The following CDH20 variants were observed in gnomAD, a reference collection of about 807,000 sequenced individuals.
The protein encoded by CDH20 is cadherin-20.
In CDH20, 29 loss-of-function variants were observed where a neutral mutation model predicts 74.2. The ratio of observed to expected loss-of-function variants is 0.39; its 90% confidence interval spans 0.29 to 0.53. The LOEUF is 0.53. Ranked by LOEUF, CDH20 falls within the 20% of genes least tolerant of loss-of-function variation. The probability of loss-of-function intolerance (pLI) is 0.69; values close to 1 mark genes in which losing one functional copy is unlikely to be tolerated. For synonymous variants in CDH20, 469 were observed against 405.4 expected, an observed-to-expected ratio of 1.16 and a Z score of -1.88; for missense variants, 988 against 1,048.3, an observed-to-expected ratio of 0.94 and a Z score of 0.79.
At chr18:61,429,641 C>T (rs1046720081) in intron 1 of CDH20, among the ~76,000 whole-genome samples, 7 of 152,238 alleles carry the variant, frequency 4.6e-5, no homozygotes, top group East Asian at 1.9e-4. Flanking sequence ...GAACACTCTA[C>T]CCACCTCTTC....
At chr18:61,550,871 A>AC (rs1913411302) in intron 11 of CDH20, among the ~76,000 whole-genome samples, 1 of 152,234 alleles carries the variant, frequency 6.6e-6, no homozygotes, top group Non-Finnish European at 1.5e-5. Flanking sequence ...CCTTACTGAT[A>AC]AGACCTTTGA....
chr18:61,463,085 G>A (rs1172526425), intron 1 of CDH20, among the ~76,000 whole-genome samples: 1 of 152,044 alleles, frequency 6.6e-6, no homozygotes, highest in African/African-American at 2.4e-5. Flanking sequence ...CGACTTAATT[G>A]TCTTCCTGGA....
At chr18:61,469,866 G>C (rs924260868) in intron 1 of CDH20, among the ~76,000 whole-genome samples, 1 of 152,106 alleles carries the variant, frequency 6.6e-6, no homozygotes, top group Non-Finnish European at 1.5e-5. Flanking sequence ...GAGGGATGTA[G>C]GTACATGAAC....
chr18:61,470,272 T>C (rs1474980003), intron 1 of CDH20, among the ~76,000 whole-genome samples: 4 of 152,206 alleles, frequency 2.6e-5, no homozygotes, highest in African/African-American at 9.6e-5. Context: ...CCCGTGACTG[T>C]TTGCAACAAG....
intron 1 of CDH20, among the ~76,000 whole-genome samples, chr18:61,412,813 T>C (rs1322416060): frequency 1.3e-5 from 2 of 152,184 alleles, no homozygotes; most frequent in East Asian, 1.9e-4. Flanking sequence ...GAGGCTATCA[T>C]AGCATATGTT....
At chr18:61,451,334 A>G (rs986356320) in intron 1 of CDH20, among the ~76,000 whole-genome samples, 7 of 152,046 alleles carry the variant, frequency 4.6e-5, no homozygotes, top group African/African-American at 1.4e-4. Flanking sequence ...ATATAAAAAA[A>G]CAAAGGTAAT....
At chr18:61,540,483 A>G (rs2191529) in intron 9 of CDH20, among the ~76,000 whole-genome samples, 2,160 of 152,302 alleles carry the variant, frequency 0.014, 52 homozygotes, top group African/African-American at 0.048. Flanking sequence ...CGAAAGGCAC[A>G]TCTTACATGG....
At chr18:61,534,687 G>C (rs1912760473) in intron 7 of CDH20, among the ~76,000 whole-genome samples, 1 of 152,186 alleles carries the variant, frequency 6.6e-6, no homozygotes, top group Non-Finnish European at 1.5e-5. Context: ...TAGAATGTAA[G>C]AAAGTCAAAC....
Position 61,528,031 on chromosome 18 carries a change from A to G in CDH20, c.1082A>G (p.Glu361Gly), listed in dbSNP as rs1912495325. 1 of 1,614,006 alleles carries G rather than the reference A, an allele frequency of 6.2e-7. No homozygotes were observed. Among genetic ancestry groups the G allele is most frequent in the South Asian group, 1.1e-5 (1 of 91,084 alleles). The change falls in exon 7 of 12, where the codon GAG (glutamate) becomes GGG (glycine). Residue 361 changes from glutamate to glycine, a missense_variant. Physicochemically the swap from Glu to Gly is moderately conservative, Grantham distance 98 (BLOSUM62 -2). Around this residue, in one of 2 missense-constraint regions of CDH20, gnomAD observed 613 missense variants for 755.2 expected, o/e 0.81. Transcript: ENST00000262717. ...GTGGAGGGAGCCAATCCTCACCTAGAGATGCGTTTTCTGAACTTGGGCCCA... is the reference window on the plus strand; with the variant it reads ...GTGGAGGGAGCCAATCCTCACCTAGGGATGCGTTTTCTGAACTTGGGCCCA... Reference protein sequence around the residue: ...LKVEGANPHLEMRFLNLGPFQ... With the variant: ...LKVEGANPHLGMRFLNLGPFQ...
chr18:61,386,854 A>G (rs1385726904), intron 1 of CDH20, among the ~76,000 whole-genome samples: 1 of 152,210 alleles, frequency 6.6e-6, no homozygotes. Context: ...ATGTATCTGT[A>G]TATTAAGAGA....
At chr18:61,413,143 A>C (rs1912566848) in intron 1 of CDH20, among the ~76,000 whole-genome samples, 1 of 152,138 alleles carries the variant, frequency 6.6e-6, no homozygotes, top group African/African-American at 2.4e-5. Flanking sequence ...ATGCAAATAC[A>C]AAATGTTTTA....
chr18:61,400,039 TA>T (rs1912105780), intron 1 of CDH20, among the ~76,000 whole-genome samples: 1 of 152,196 alleles, frequency 6.6e-6, no homozygotes, highest in Admixed American at 6.5e-5. Context: ...TCTAAAAATA[TA>T]AGCCTATTGA....
intron 1 of CDH20, among the ~76,000 whole-genome samples, chr18:61,416,999 A>G (rs1375538767): frequency 6.6e-6 from 1 of 152,240 alleles, no homozygotes; most frequent in East Asian, 1.9e-4. Flanking sequence ...CCAGAAAAAT[A>G]TTAAAAATCT....
chr18:61,429,316 A>G (rs1000586364), intron 1 of CDH20, among the ~76,000 whole-genome samples: 4 of 152,276 alleles, frequency 2.6e-5, no homozygotes, highest in African/African-American at 9.6e-5. Flanking sequence ...TTCTGTGACT[A>G]CATTTGGGAA....
intron 6 of CDH20, among the ~76,000 whole-genome samples, chr18:61,521,794 A>G (rs1912217414): frequency 6.9e-6 from 1 of 144,014 alleles, no homozygotes; most frequent in Non-Finnish European, 1.5e-5. Context: ...AATGTAATCC[A>G]TCACATAAAC....
At chr18:61,544,969 GGGCCCT>G in intron 9 of CDH20, 52 bp from the exon 10 acceptor site, 2 of 1,125,344 alleles carry the variant, frequency 1.8e-6, no homozygotes, top group Non-Finnish European at 2.7e-6. Context: ...GGATTTAACT[GGGCCCT>G]GGTGCTTTTT....
chr18:61,488,508 G>C (rs1207018356), intron 1 of CDH20, among the ~76,000 whole-genome samples: 1 of 152,140 alleles, frequency 6.6e-6, no homozygotes, highest in South Asian at 2.1e-4. Context: ...CAGTGAGGTA[G>C]GTGGGAGAAT....
At chr18:61,508,622 CTAT>C (rs56980561) in intron 6 of CDH20, among the ~76,000 whole-genome samples, 7 of 151,538 alleles carry the variant, frequency 4.6e-5, no homozygotes, top group African/African-American at 1.7e-4. Flanking sequence ...AGATTGGAGA[CTAT>C]TATTATTATT....
At chr18:61,522,702 G>C (rs1026357491) in intron 6 of CDH20, among the ~76,000 whole-genome samples, 3 of 152,100 alleles carry the variant, frequency 2.0e-5, no homozygotes, top group African/African-American at 7.2e-5. Context: ...GCATGGTACT[G>C]GTACCAAAAC....
Sources: allele counts gnomAD v4.1 joint callset (sites outside exome capture counted in the v4.1 genomes callset), GRCh38; gene constraint gnomAD v4.1.1; regional missense constraint gnomAD v4.1.1; transcripts MANE v1.5; gene names NCBI Gene and HGNC (gene_info 2026-07-23, HGNC 2026-07-21).